Variants in ADCY4 observed in about 807,000 individuals in gnomAD.
ADCY4 encodes the protein adenylate cyclase type 4.
Under a neutral mutation model 125.5 loss-of-function variants are expected in ADCY4, and 111 were observed. That is an observed-to-expected ratio of 0.88 (90% CI 0.76 to 1.04). ADCY4 has a LOEUF of 1.04. Ranked by LOEUF, ADCY4 falls within the 50% of genes least tolerant of loss-of-function variation. The pLI is 0.00. For missense variants in ADCY4, 1,256 were observed against 1,382.9 expected, an observed-to-expected ratio of 0.91 and a Z score of 1.46; for synonymous variants, 576 against 586.9, an observed-to-expected ratio of 0.98 and a Z score of 0.27.
At position 24,318,478 on chromosome 14, in the gene ADCY4, A is replaced by T. The variant is rs370691467; in HGVS notation, c.3172T>A (p.Cys1058Ser). The T allele has an allele frequency of 1.9e-6, 3 of 1,614,098 alleles. No homozygotes were observed. In the African/African-American group the frequency reaches 4.0e-5, roughly 22 times the overall value. ...AAGTCTGTGTTCAGGAAGTAGGTGC[A>T]GAGCTGCCCTTTGCCTTTCACCTTG... ...VIKVKGKGQL[C>S]TYFLNTDLTR... Residue 1058 changes from cysteine (C) to serine (S), a missense_variant, in exon 25 of 25, where the codon TGC (cysteine) becomes AGC (serine). By Grantham distance (112) the Cys-to-Ser change is moderately radical. Coordinates refer to ENST00000418030, the MANE Select transcript of ADCY4 (RefSeq NM_001198568.2).
In ADCY4 at chr14:24,328,881, G is replaced by A. The variant is rs909003501; in HGVS notation, c.1524+180C>T. On this transcript the variant is annotated intron_variant, in intron 10 of 24. Transcript: ENST00000418030. ...AGCTGGAGGGCTCTTTCTCTAGAAG[G>A]AGGGGCAAGGAAGGGCCTGAACCAG... is the stretch of plus-strand genomic sequence containing the variant. 4.1e-5 allele frequency: 30 copies of A among 728,370 alleles called. No homozygotes were observed. The African/African-American group carries it at 5.3e-4, about 13-fold the overall frequency. The allele number at this position is 728,370 out of a possible 1,614,324, so 45.1% of individuals were successfully genotyped here.
At chr14:24,323,621 C>T (rs1312224905) in intron 16 of ADCY4, 167 bp from the exon 17 acceptor site, 47 of 1,433,566 alleles carry the variant, frequency 3.3e-5, no homozygotes, top group Middle Eastern at 2.6e-4. Flanking sequence ...GGTCCTCACT[C>T]GGGGAGGAGT....
At chr14:24,320,034 G>A in intron 20 of ADCY4, 146 bp from the exon 21 acceptor site, 1 of 922,686 alleles carries the variant, frequency 1.1e-6, no homozygotes, top group Non-Finnish European at 1.6e-6. Context: ...GTAGGGCCAG[G>A]CTACCCCAGG....
At chr14:24,322,543 C>T in intron 19 of ADCY4, 81 bp downstream of exon 19, 1 of 1,467,436 alleles carries the variant, frequency 6.8e-7, no homozygotes, top group East Asian at 2.3e-5. Flanking sequence ...GGCATTCAAC[C>T]CTGGAGATTA....
intron 10 of ADCY4, among the ~76,000 whole-genome samples, chr14:24,327,454 T>G (rs57164636): frequency 6.6e-6 from 1 of 152,042 alleles, no homozygotes. Flanking sequence ...ACTCCACCCA[T>G]GCTGGAGGTC....
intron 12 of ADCY4, 53 bp downstream of exon 12, chr14:24,326,026 C>CT (rs1491137963): frequency 5.3e-4 from 35 of 65,666 alleles, no homozygotes; most frequent in Non-Finnish European, 1.1e-3. Context: ...ATCCCTTCTC[C>CT]ACCATATGAC....
chr14:24,318,648 C>T lies in ADCY4; in HGVS notation c.3081+6G>A, dbSNP rs2041805912. The stretch of plus-strand genomic sequence containing the variant: ...TCCCCCTATGCCTCCAATGTGGTTC[C>T]CTCACTTGGATTTTGCCAAGGACTC... On this transcript the variant is annotated splice_donor_region_variant and intron_variant, in intron 24 of 24. Transcript: ENST00000418030. 1 of 1,614,144 alleles carries T rather than the reference C, an allele frequency of 6.2e-7. No individual in the cohort carries two copies. The highest frequency in any genetic ancestry group is 8.5e-7 in the Non-Finnish European group (1 of 1,180,000).
At chr14:24,321,738 C>T in intron 20 of ADCY4, 2 of 1,001,550 alleles carry the variant, frequency 2.0e-6, no homozygotes, top group Non-Finnish European at 2.4e-6. Context: ...AGCCCAGTTC[C>T]CAACAGGTCA....
At chr14:24,332,743 G>A in intron 2 of ADCY4, 48 bp downstream of exon 2, 1 of 1,540,984 alleles carries the variant, frequency 6.5e-7, no homozygotes, top group South Asian at 1.2e-5. Flanking sequence ...CCTGGTGAGG[G>A]ATCGAAGCCC....
intron 20 of ADCY4, among the ~76,000 whole-genome samples, chr14:24,320,635 C>A (rs1056715326): frequency 4.6e-5 from 7 of 152,132 alleles, no homozygotes; most frequent in Middle Eastern, 3.2e-3. Context: ...GCAGATGATA[C>A]AAATAAGATG....
chr14:24,324,036 G>C, intron 16 of ADCY4, 26 bp downstream of exon 16: 1 of 1,610,768 alleles, frequency 6.2e-7, no homozygotes, highest in Non-Finnish European at 8.5e-7. Flanking sequence ...CCTCATGGGG[G>C]TGGATAGGGC....
intron 6 of ADCY4, chr14:24,330,525 C>A: frequency 1.9e-6 from 1 of 540,246 alleles, no homozygotes; most frequent in Non-Finnish European, 3.2e-6. Context: ...GTGGCTCTTT[C>A]CACTTTTGGC....
intron 1 of ADCY4, among the ~76,000 whole-genome samples, chr14:24,333,606 C>T (rs149716966): frequency 1.2e-3 from 179 of 152,326 alleles, no homozygotes; most frequent in African/African-American, 3.6e-3. Flanking sequence ...GTTTCTGAGC[C>T]TCAGTTTTCT....
rs759997762 is a variant in ADCY4 at position 24,326,358 on chromosome 14, A to G, written c.1525-16T>C. On this transcript the variant is annotated splice_polypyrimidine_tract_variant and intron_variant, in intron 10 of 24. Transcript: ENST00000418030. ...GGGTCTTCTCCTGTTGGGAGAGCAC[A>G]GGGGGAGGTGGGCATGGTGGGTGTT... The G allele has an allele frequency of 1.2e-6, 2 of 1,603,814 alleles. No individual in the cohort carries two copies. The highest frequency in any genetic ancestry group is 1.7e-6 in the Non-Finnish European group (2 of 1,178,990).
In ADCY4 at chr14:24,324,140, C is replaced by T; in HGVS notation, c.1968G>A (p.Val656=). Residue 656 remains valine, a synonymous_variant, in exon 16 of 25, where the codon GTG becomes GTA. Transcript: ENST00000418030. ...LHWLPALSGL[V]ATRPGLRIAL... ...CTATTCTCAGTCCTGGTCGTGTGGC[C>T]ACCAGGCCAGACAGTGCAGGCAGCC... The T allele has an allele frequency of 3.1e-6, 5 of 1,614,234 alleles. No homozygotes were observed. Among genetic ancestry groups the T allele is most frequent in the Non-Finnish European group, 4.2e-6 (5 of 1,180,036 alleles).
intron 20 of ADCY4, among the ~76,000 whole-genome samples, chr14:24,321,375 C>T (rs757596294): frequency 1.3e-5 from 2 of 151,858 alleles, no homozygotes; most frequent in South Asian, 2.1e-4. Context: ...GAGCTGAGAC[C>T]GTGCCATTAC....
At chr14:24,333,276 A>C (rs966067384) in intron 1 of ADCY4, among the ~76,000 whole-genome samples, 3 of 152,114 alleles carry the variant, frequency 2.0e-5, no homozygotes, top group African/African-American at 7.2e-5. Context: ...GCTGGAGTTC[A>C]GTGGCGCGAT....
rs746621028 is a variant in ADCY4, at chr14:24,326,154, G to T, written c.1580C>A (p.Pro527His). The T allele has an allele frequency of 6.3e-6, 10 of 1,597,186 alleles. No individual in the cohort carries two copies. The highest frequency in any genetic ancestry group is 1.7e-4 in the Middle Eastern group (1 of 5,960). The change falls in exon 12 of 25, where the codon CCC becomes CAC. Residue 527 changes from proline (P) to histidine (H), a missense_variant. Physicochemically the swap from Pro to His is moderately conservative, Grantham distance 77. Transcript: ENST00000418030. Reference protein sequence around the residue: ...TQWSLDRSRTPRGLDDELDTG... With the variant: ...TQWSLDRSRTHRGLDDELDTG... ...GTCCAGTTCATCATCTAGTCCCCGG[G>T]GGGTACGGCTCCTGCACAGTGAGAG...
At chr14:24,320,351 T>C (rs762806559) in intron 20 of ADCY4, among the ~76,000 whole-genome samples, 3 of 152,118 alleles carry the variant, frequency 2.0e-5, no homozygotes, top group South Asian at 2.1e-4. Context: ...ATAATAAAGA[T>C]GGAATCAGAT....
Sources: gnomAD v4.1 joint callset for allele counts (sites outside exome capture counted in the v4.1 genomes callset) on GRCh38, gnomAD v4.1.1 for gene constraint, MANE v1.5 for transcripts, NCBI Gene and HGNC (gene_info 2026-07-23, HGNC 2026-07-21) for gene names.